The following DKC1 variants were observed in gnomAD, a reference collection of about 807,000 sequenced individuals.
The protein encoded by DKC1 is H/ACA ribonucleoprotein complex subunit DKC1.
A neutral mutation model predicts 46.7 loss-of-function variants in DKC1; 4 were observed. That is an observed-to-expected ratio of 0.09 (90% CI 0.04 to 0.20). DKC1 has a LOEUF of 0.20. DKC1 is among the 10% of genes least tolerant of loss of function. The pLI is 1.00. For missense variants in DKC1, 171 were observed against 404.2 expected (o/e 0.42, Z 4.95); for synonymous variants, 141 against 142.4 (o/e 0.99, Z 0.07).
intron 2 of DKC1, 127 bp downstream of exon 2, chrX:154,765,093 T>C: frequency 1.7e-6 from 1 of 604,478 alleles, no homozygotes; most frequent in African/African-American, 2.2e-5. Flanking sequence ...ATTGTGTAGA[T>C]TCGAAAAAGC....
chrX:154,774,193 A>AGTGCAGAGAGGTGTCTGTCACCTG (rs2071865880), intron 11 of DKC1, among the ~76,000 whole-genome samples: 1 of 111,922 alleles, frequency 8.9e-6, no homozygotes, highest in South Asian at 3.7e-4. Flanking sequence ...GCTACCAAGG[A>AGTGCAGAGAGGTGTCTGTCACCTG]GTGCAGAGAG....
chrX:154,763,099 C>T, intron 1 of DKC1, 118 bp downstream of exon 1: 6 of 904,264 alleles, frequency 6.6e-6, no homozygotes, highest in African/African-American at 1.9e-5. Context: ...GTGTCGGCCT[C>T]TTCACCGCCC....
intron 2 of DKC1, 109 bp downstream of exon 2, chrX:154,765,075 T>C: frequency 1.5e-6 from 1 of 665,730 alleles, no homozygotes; most frequent in Non-Finnish European, 2.4e-6. Context: ...GGGCCAGCAT[T>C]GGTAGTCATT....
chrX:154,766,468 G>A (rs2071746490), intron 5 of DKC1, 68 bp downstream of exon 5: 3 of 1,005,997 alleles, frequency 3.0e-6, no homozygotes, highest in Non-Finnish European at 4.1e-6. Context: ...TCTATGTTTT[G>A]TCTGCTGGAA....
rs1557264658 is a variant in DKC1, at chrX:154,769,322, G to A, written c.915+12G>A. On this transcript the variant is annotated intron_variant, in intron 9 of 14. Coordinates refer to ENST00000369550, the MANE Select transcript of DKC1 (RefSeq NM_001363.5). ...TGAAAGACAGTGCAGTAAGTTCCGG[G>A]TTAGGAGTTTATATTTGGAAAGAAC... 8.3e-7 allele frequency: 1 copy of A among 1,208,344 alleles called. No individual in the cohort carries two copies. Among genetic ancestry groups the A allele is most frequent in the Non-Finnish European group, 1.1e-6 (1 of 892,462 alleles).
rs1036932842 is a variant in DKC1, at chrX:154,765,954, A to G, written c.219A>G (p.Ala73=). 5.0e-6 allele frequency: 6 copies of G among 1,208,496 alleles called. No individual in the cohort carries two copies. The highest frequency in any genetic ancestry group is 4.6e-4 in the Middle Eastern group (2 of 4,372). The change falls in exon 4 of 15, where the codon GCA becomes GCG. Residue 73 remains alanine, a synonymous_variant. Transcript: ENST00000369550. ...NVRTTHYTPL[A]CGSNPLKREI... ...GGACAACACACTATACACCTCTTGC[A>G]TGTGGTTCAAATCCTCTGAAGAGAG...
intron 9 of DKC1, 24 bp downstream of exon 9, chrX:154,769,334 T>A: frequency 8.3e-7 from 1 of 1,203,361 alleles, no homozygotes; most frequent in South Asian, 1.8e-5. Flanking sequence ...TAGGAGTTTA[T>A]ATTTGGAAAG....
intron 4 of DKC1, 90 bp downstream of exon 4, chrX:154,766,088 A>G: frequency 1.0e-6 from 1 of 1,001,568 alleles, no homozygotes; most frequent in Non-Finnish European, 1.4e-6. Flanking sequence ...GCATGCCAGA[A>G]TAGCTTTGTC....
Position 154,764,933 on chromosome X carries a change from G to A in DKC1, c.51G>A (p.Lys17=). ...IILPKKHKKK[K]ERKSLPEEDV... is the part of the protein sequence containing the mutation. ...TGCCAAAGAAACATAAGAAGAAAAA[G>A]GAGCGGAAGTCATTGCCAGAAGAAG... The change falls in exon 2 of 15, where the codon AAG becomes AAA. Residue 17 remains lysine (K), a synonymous_variant. Coordinates refer to ENST00000369550, the MANE Select transcript of DKC1 (RefSeq NM_001363.5). 8.3e-7 allele frequency: 1 copy of A among 1,208,886 alleles called. No individual in the cohort carries two copies. Among genetic ancestry groups the A allele is most frequent in the Non-Finnish European group, 1.1e-6 (1 of 892,690 alleles).
At chrX:154,772,498 T>TCC (rs1569558590) in intron 10 of DKC1, among the ~76,000 whole-genome samples, 1 of 112,572 alleles carries the variant, frequency 8.9e-6, no homozygotes, top group Admixed American at 9.4e-5. Context: ...AGCTCTATAC[T>TCC]ATAATTTGAA....
At position 154,767,363 on chromosome X, in the gene DKC1, C is replaced by T. The variant is rs371421366; in HGVS notation, c.621C>T (p.Tyr207=). The change falls in exon 7 of 15, where the codon TAC becomes TAT. Residue 207 remains tyrosine (Y), a synonymous_variant. Coordinates refer to ENST00000369550, the MANE Select transcript of DKC1 (RefSeq NM_001363.5). ...TCTACGAGAGCAAAATGATTGAATACGATCCTGAAAGAAGATTAGGTGAGT... is the reference window on the plus strand; with the variant it reads ...TCTACGAGAGCAAAATGATTGAATATGATCCTGAAAGAAGATTAGGTGAGT... ...RTIYESKMIE[Y]DPERRLGIFW... is the part of the protein sequence containing the mutation. 1.2e-5 allele frequency: 15 copies of T among 1,211,318 alleles called. No individual in the cohort carries two copies. The highest frequency in any genetic ancestry group is 2.3e-4 in the Middle Eastern group (1 of 4,355).
chrX:154,776,965 C>G lies in DKC1; in HGVS notation c.*98C>G, dbSNP rs782379967. The G allele has an allele frequency of 6.7e-6, 5 of 750,127 alleles. No individual in the cohort carries two copies. The African/African-American group carries it at 1.1e-4, about 16-fold the overall frequency. The allele number at this position is 750,127 out of a possible 1,213,427, so 61.8% of individuals were successfully genotyped here. A position where few individuals can be genotyped will look rare whatever the true frequency, so the allele number is the denominator to read the frequency against. On this transcript the variant is annotated 3_prime_UTR_variant, in exon 15 of 15. Transcript: ENST00000369550. ...GAGAGAGTGGAACATAGGTCCTAGACAGGGTGAAGAGTTCTGGCACATTTT... is the reference window on the plus strand; with the variant it reads ...GAGAGAGTGGAACATAGGTCCTAGAGAGGGTGAAGAGTTCTGGCACATTTT...
rs781971886 is a variant in DKC1, at chrX:154,763,025, C to A, written c.16+44C>A. On this transcript the variant is annotated intron_variant, in intron 1 of 14. Coordinates refer to ENST00000369550, the MANE Select transcript of DKC1 (RefSeq NM_001363.5). ...CGGGCCGTGCTAACTCCGGGCGACT[C>A]GGGGAACGGGGGTGGGGGGATGGTA... 3 of 1,119,948 alleles carry A rather than the reference C, an allele frequency of 2.7e-6. No individual in the cohort carries two copies. The African/African-American group carries it at 5.5e-5, about 20-fold the overall frequency. The allele number at this position is 1,119,948 out of a possible 1,213,427, so 92.3% of individuals were successfully genotyped here. A position where few individuals can be genotyped will look rare whatever the true frequency, so the allele number is the denominator to read the frequency against.
chrX:154,776,184 C>T lies in DKC1; in HGVS notation c.1339-3C>T, dbSNP rs2071892960. 1.7e-6 allele frequency: 2 copies of T among 1,210,546 alleles called. No individual in the cohort carries two copies. Among genetic ancestry groups the T allele is most frequent in the Non-Finnish European group, 2.2e-6 (2 of 895,208 alleles). On this transcript the variant is annotated splice_polypyrimidine_tract_variant and splice_region_variant and intron_variant, in intron 13 of 14. Transcript: ENST00000369550. ...AACACTTAACCAATTGCTTTCATCTCAGCGGAAGCGAGAGAGTGAGAGTGA... is the reference window on the plus strand; with the variant it reads ...AACACTTAACCAATTGCTTTCATCTTAGCGGAAGCGAGAGAGTGAGAGTGA...
chrX:154,769,381 T>C (rs1557264669), intron 9 of DKC1, 71 bp downstream of exon 9: 1 of 1,095,245 alleles, frequency 9.1e-7, no homozygotes, highest in African/African-American at 1.8e-5. Context: ...CTTTTTATTG[T>C]TTTCCTTGGG....
At chrX:154,765,620 C>T in intron 3 of DKC1, 90 bp downstream of exon 3, 1 of 766,947 alleles carries the variant, frequency 1.3e-6, no homozygotes, top group Non-Finnish European at 2.0e-6. Context: ...TTACTGCTGG[C>T]ATCCTTGACT....
intron 1 of DKC1, 130 bp from the exon 2 acceptor site, chrX:154,764,766 CATT>C (rs1407039659): frequency 2.0e-6 from 1 of 512,234 alleles, no homozygotes; most frequent in African/African-American, 2.3e-5. Context: ...ACTTGCAAAA[CATT>C]ATGTGGCATG....
At chrX:154,771,788 G>A (rs1245265302) in intron 10 of DKC1, among the ~76,000 whole-genome samples, 2 of 111,851 alleles carry the variant, frequency 1.8e-5, no homozygotes, top group African/African-American at 6.5e-5. Flanking sequence ...CCATTTATCT[G>A]TCGATGGGCA....
chrX:154,774,792 A>G (rs1339578908), intron 12 of DKC1, 87 bp downstream of exon 12: 2 of 838,182 alleles, frequency 2.4e-6, no homozygotes, highest in Non-Finnish European at 3.6e-6. Context: ...ACAGGTGAGG[A>G]TGGGAAGGTA....
Sources: allele counts gnomAD v4.1 joint callset (sites outside exome capture counted in the v4.1 genomes callset), GRCh38; gene constraint gnomAD v4.1.1; transcripts MANE v1.5; gene names NCBI Gene and HGNC (gene_info 2026-07-23, HGNC 2026-07-21).